Variants in SPAG16 observed in about 807,000 individuals in gnomAD.
The protein encoded by SPAG16 is sperm associated antigen 16, also known as sperm-associated antigen 16 protein.
In SPAG16, 86 loss-of-function variants were observed where a neutral mutation model predicts 80.4. The observed-to-expected ratio is 1.07, with a 90% confidence interval of 0.90 to 1.28. The LOEUF (loss-of-function observed/expected upper bound fraction) is 1.28, where lower values mean the gene tolerates loss of function less well. Among genes scored for constraint, SPAG16 ranks in the 50% most tolerant of loss-of-function variants. The probability of loss-of-function intolerance (pLI) is 0.00; values close to 1 mark genes in which losing one functional copy is unlikely to be tolerated. For synonymous variants in SPAG16, 294 were observed against 265.9 expected, an observed-to-expected ratio of 1.11 and a Z score of -1.03; for missense variants, 870 against 765.3, an observed-to-expected ratio of 1.14 and a Z score of -1.61.
chr2:214,114,762 C>T (rs572801961), intron 14 of SPAG16, among the ~76,000 whole-genome samples: 11 of 152,312 alleles, frequency 7.2e-5, no homozygotes, highest in African/African-American at 2.4e-4. Flanking sequence ...TTGTGCTTCC[C>T]GGGTGAGGCA....
intron 15 of SPAG16, among the ~76,000 whole-genome samples, chr2:214,370,608 T>C (rs889196657): frequency 1.3e-4 from 20 of 152,178 alleles, no homozygotes; most frequent in African/African-American, 4.8e-4. Context: ...GTCTACTCTC[T>C]TGGCAAATTT....
At chr2:214,206,012 G>A (rs2058134244) in intron 15 of SPAG16, among the ~76,000 whole-genome samples, 1 of 144,442 alleles carries the variant, frequency 6.9e-6, no homozygotes, top group Non-Finnish European at 1.5e-5. Flanking sequence ...GACCAACATG[G>A]TGAAACCCCG....
At chr2:213,407,506 A>AC (rs1004048760) in intron 9 of SPAG16, among the ~76,000 whole-genome samples, 30 of 148,042 alleles carry the variant, frequency 2.0e-4, no homozygotes, top group Admixed American at 5.4e-4. Flanking sequence ...ACTTGACACA[A>AC]CCCCCCCGTT....
intron 10 of SPAG16, among the ~76,000 whole-genome samples, chr2:213,690,863 T>C (rs1009579334): frequency 6.6e-6 from 1 of 152,200 alleles, no homozygotes; most frequent in Non-Finnish European, 1.5e-5. Context: ...AGGGCTGCAC[T>C]GTTGGCTTCC....
intron 12 of SPAG16, among the ~76,000 whole-genome samples, chr2:213,975,703 C>A (rs1420341131): frequency 6.6e-6 from 1 of 151,786 alleles, no homozygotes; most frequent in Non-Finnish European, 1.5e-5. Context: ...AGGAAAAATT[C>A]TACCAAAATA....
intron 15 of SPAG16, among the ~76,000 whole-genome samples, chr2:214,331,168 G>T (rs1015276086): frequency 1.3e-5 from 2 of 152,126 alleles, no homozygotes; most frequent in African/African-American, 4.8e-5. Flanking sequence ...CAGTAGCATT[G>T]CTTGTTCATT....
At chr2:213,860,273 C>T (rs1320238348) in intron 10 of SPAG16, among the ~76,000 whole-genome samples, 1 of 151,096 alleles carries the variant, frequency 6.6e-6, no homozygotes. Context: ...GAAAATATTT[C>T]TATTCAGCTA....
chr2:213,690,399 G>A (rs2064890784), intron 10 of SPAG16, among the ~76,000 whole-genome samples: 1 of 152,228 alleles, frequency 6.6e-6, no homozygotes, highest in South Asian at 2.1e-4. Flanking sequence ...TCCAGAGGCA[G>A]AAGGGCAAGA....
At chr2:214,360,841 G>A (rs189573562) in intron 15 of SPAG16, among the ~76,000 whole-genome samples, 5 of 151,808 alleles carry the variant, frequency 3.3e-5, no homozygotes, top group African/African-American at 9.7e-5. Context: ...TCAAATAAGC[G>A]TCAATGGTTG....
intron 15 of SPAG16, among the ~76,000 whole-genome samples, chr2:214,382,489 TGCA>T (rs1187778124): frequency 6.6e-6 from 1 of 152,206 alleles, no homozygotes; most frequent in Non-Finnish European, 1.5e-5. Context: ...TGGTGCCATG[TGCA>T]GCAGATCTTG....
chr2:214,240,645 T>C (rs747810494), intron 15 of SPAG16: 2 of 152,204 alleles, frequency 1.3e-5, no homozygotes, highest in African/African-American at 4.8e-5. Flanking sequence ...AATTTAGCTA[T>C]ACAATCTACT....
intron 15 of SPAG16, among the ~76,000 whole-genome samples, chr2:214,247,458 G>A (rs1689929665): frequency 6.6e-6 from 1 of 151,932 alleles, no homozygotes; most frequent in Admixed American, 6.6e-5. Flanking sequence ...ACTAAATATT[G>A]TCCCCATAGT....
At chr2:213,836,263 C>T (rs1348632897) in intron 10 of SPAG16, among the ~76,000 whole-genome samples, 1 of 140,522 alleles carries the variant, frequency 7.1e-6, no homozygotes, top group Non-Finnish European at 1.5e-5. Flanking sequence ...ATTTTTTTTC[C>T]TTTAGAGGAA....
At chr2:214,059,517 T>G (rs1327844632) in intron 13 of SPAG16, among the ~76,000 whole-genome samples, 1 of 151,904 alleles carries the variant, frequency 6.6e-6, no homozygotes, top group African/African-American at 2.4e-5. Flanking sequence ...AATACAAGTC[T>G]GAGCCATACC....
In SPAG16 at chr2:213,284,825, C is replaced by A; in HGVS notation, c.136+206C>A. The A allele has an allele frequency of 8.8e-6, 6 of 678,324 alleles. No homozygotes were observed. The East Asian group carries it at 1.7e-4, about 20-fold the overall frequency. The allele number at this position is 678,324 out of a possible 1,614,324, so 42.0% of individuals were successfully genotyped here. A position where few individuals can be genotyped will look rare whatever the true frequency, so the allele number is the denominator to read the frequency against. On this transcript the variant is annotated intron_variant, in intron 1 of 15. Transcript: ENST00000331683. ...CTCGCCCTTAGTAGCCCAGGGTGTC[C>A]TGTACCTGTTAGAAGAGTTGGGAGA...
chr2:213,860,450 T>TATATAG (rs1488556909), intron 10 of SPAG16, among the ~76,000 whole-genome samples: 1 of 124,498 alleles, frequency 8.0e-6, no homozygotes, highest in Non-Finnish European at 1.8e-5. Context: ...TAGATATATG[T>TATATAG]ATATATATAC....
chr2:213,637,043 G>A (rs1332702429), intron 10 of SPAG16, among the ~76,000 whole-genome samples: 1 of 152,068 alleles, frequency 6.6e-6, no homozygotes, highest in Non-Finnish European at 1.5e-5. Context: ...GTTCTCAGGG[G>A]GAATGCTTTC....
intron 15 of SPAG16, among the ~76,000 whole-genome samples, chr2:214,363,472 T>C (rs1257197493): frequency 6.6e-6 from 1 of 152,066 alleles, no homozygotes; most frequent in African/African-American, 2.4e-5. Context: ...TTAATGTTGA[T>C]GTGTCCTGTG....
intron 13 of SPAG16, among the ~76,000 whole-genome samples, chr2:214,027,106 G>A (rs2048171249): frequency 6.6e-6 from 1 of 151,346 alleles, no homozygotes; most frequent in Non-Finnish European, 1.5e-5. Flanking sequence ...GGAAAGAGTA[G>A]ACTTTAAAAG....
Sources: allele counts gnomAD v4.1 joint callset (sites outside exome capture counted in the v4.1 genomes callset), GRCh38; gene constraint gnomAD v4.1.1; transcripts MANE v1.5; gene names NCBI Gene and HGNC (gene_info 2026-07-23, HGNC 2026-07-21).